Variants in MYT1L observed in about 807,000 individuals in gnomAD.
MYT1L encodes the protein myelin transcription factor 1-like protein.
Under a neutral mutation model 126.7 loss-of-function variants are expected in MYT1L, and 12 were observed. The ratio of observed to expected loss-of-function variants is 0.09; its 90% confidence interval spans 0.06 to 0.15. The LOEUF is 0.15. Among genes scored for constraint, MYT1L ranks in the 10% least tolerant of loss-of-function variants. The pLI, the probability that MYT1L is intolerant of heterozygous loss-of-function variation, is 1.00. For missense variants in MYT1L, 979 were observed against 1,585.2 expected, an observed-to-expected ratio of 0.62 and a Z score of 6.49; for synonymous variants, 541 against 604.2, an observed-to-expected ratio of 0.90 and a Z score of 1.53.
chr2:2,272,569 CA>C (rs1443522747), intron 2 of MYT1L, among the ~76,000 whole-genome samples: 1 of 152,198 alleles, frequency 6.6e-6, no homozygotes, highest in Non-Finnish European at 1.5e-5. Context: ...TGAGTTCCGA[CA>C]GGAACAAAAT....
intron 2 of MYT1L, among the ~76,000 whole-genome samples, chr2:2,201,158 G>C (rs1032549556): frequency 2.0e-5 from 3 of 152,162 alleles, no homozygotes; most frequent in Non-Finnish European, 4.4e-5. Context: ...AGACAAAAAA[G>C]TGTGTCTGTT....
intron 3 of MYT1L, among the ~76,000 whole-genome samples, chr2:2,118,336 T>C (rs967131921): frequency 7.2e-5 from 11 of 152,164 alleles, no homozygotes; most frequent in Non-Finnish European, 1.6e-4. Context: ...ATAAAACAAC[T>C]GAGATAATCC....
At position 1,889,450 on chromosome 2, in the gene MYT1L, C is replaced by G; in HGVS notation, c.2311G>C (p.Gly771Arg). 1 of 1,606,850 alleles carries G rather than the reference C, an allele frequency of 6.2e-7. No individual in the cohort carries two copies. The highest frequency in any genetic ancestry group is 8.5e-7 in the Non-Finnish European group (1 of 1,174,824). Residue 771 changes from glycine (G) to arginine (R), a missense_variant, in exon 16 of 25, where the codon GGG (glycine) becomes CGG (arginine). By Grantham distance (125) the Gly-to-Arg change is moderately radical (BLOSUM62 -2). This residue lies in a region of MYT1L where 141 missense variants were observed against 170.6 expected (regional missense o/e 0.83). Coordinates refer to ENST00000647738, the MANE Select transcript of MYT1L (RefSeq NM_001303052.2). This position sits in a 1 kb window ranked among gnomAD's most constrained non-coding sequence, Gnocchi z 4.1. ...TTGTTCATGCTGAGGTCCAGGGTCC[C>G]GTTCTCATCCACCTCCATGTCAGGG... is the stretch of plus-strand genomic sequence containing the variant. ...RNPDMEVDEN[G>R]TLDLSMNKQR... is the part of the protein sequence containing the mutation.
chr2:2,167,844 G>T (rs184813645), intron 3 of MYT1L, among the ~76,000 whole-genome samples: 113 of 152,170 alleles, frequency 7.4e-4, no homozygotes, highest in African/African-American at 2.5e-3. Flanking sequence ...TTATTAAATG[G>T]CTCAACAAGA....
chr2:2,052,671 C>T (rs2068976825), intron 4 of MYT1L, among the ~76,000 whole-genome samples: 1 of 152,150 alleles, frequency 6.6e-6, no homozygotes, highest in South Asian at 2.1e-4. Flanking sequence ...TGGAAAGATG[C>T]TTAACACCAC....
At chr2:1,821,699 T>C (rs1318116644) in intron 21 of MYT1L, among the ~76,000 whole-genome samples, 1 of 152,216 alleles carries the variant, frequency 6.6e-6, no homozygotes, top group East Asian at 1.9e-4. Context: ...GGAGGCCCTT[T>C]ATCTTGAATC....
Position 1,961,058 on chromosome 2 carries a change from G to A in MYT1L, c.153-17724C>T, listed in dbSNP as rs185044868. ...CAGTTAGCACTCAACAATTAGTATC[G>A]CGGAATACATTTTTAGCAATCTGTA... is the stretch of plus-strand genomic sequence containing the variant. On this transcript the variant is annotated intron_variant, in intron 8 of 24. Transcript: ENST00000647738. 5.1e-3 allele frequency among the ~76,000 whole-genome samples: 741 copies of A among 144,404 alleles called. 10 individuals carry two copies. Among genetic ancestry groups the A allele is most frequent in the African/African-American group, 0.017 (689 of 41,058 alleles). The allele number at this position is 144,404 out of a possible 152,430, so 94.7% of individuals were successfully genotyped here.
intron 3 of MYT1L, among the ~76,000 whole-genome samples, chr2:2,061,777 C>T (rs2150157026): frequency 6.6e-6 from 1 of 152,256 alleles, no homozygotes; most frequent in South Asian, 2.1e-4. Flanking sequence ...TGTGAGCCAT[C>T]ACAATGAACA....
chr2:2,120,968 C>T (rs2080911184), intron 3 of MYT1L, among the ~76,000 whole-genome samples: 1 of 152,108 alleles, frequency 6.6e-6, no homozygotes, highest in South Asian at 2.1e-4. Context: ...GTGTTAGACC[C>T]ACGGCCACCA....
At position 1,791,439 on chromosome 2, in the gene MYT1L, A is replaced by G. The variant is rs1572247466; in HGVS notation, c.*428T>C. The G allele has an allele frequency of 5.4e-6, 2 of 368,452 alleles. No homozygotes were observed. Among genetic ancestry groups the G allele is most frequent in the East Asian group, 1.4e-4 (2 of 13,804 alleles). The allele number at this position is 368,452 out of a possible 1,614,324, so 22.8% of individuals were successfully genotyped here. On this transcript the variant is annotated 3_prime_UTR_variant, in exon 25 of 25. Transcript: ENST00000647738. This position sits in a 1 kb window ranked among gnomAD's most constrained non-coding sequence, Gnocchi z 6.0. ...ACGTCTAAAAAGCGGCTGCTCAGCC[A>G]CAACATGATCATTCAAAGCTGTGGG...
intron 5 of MYT1L, among the ~76,000 whole-genome samples, 170 bp downstream of exon 5, chr2:1,997,021 G>T (rs564935387): frequency 6.8e-6 from 1 of 147,008 alleles, no homozygotes; most frequent in East Asian, 2.1e-4. Context: ...TTCAGTGTGG[G>T]CTGTACAGAA....
At chr2:2,136,644 T>C (rs2148094917) in intron 3 of MYT1L, among the ~76,000 whole-genome samples, 1 of 152,326 alleles carries the variant, frequency 6.6e-6, no homozygotes, top group Admixed American at 6.5e-5. Context: ...TCAATTTTAG[T>C]AAATCCATAT....
At chr2:2,017,419 C>T (rs1401059789) in intron 4 of MYT1L, among the ~76,000 whole-genome samples, 1 of 152,220 alleles carries the variant, frequency 6.6e-6, no homozygotes, top group African/African-American at 2.4e-5. Context: ...AGGAAGCTAG[C>T]TTGAGAGATG....
intron 10 of MYT1L, among the ~76,000 whole-genome samples, chr2:1,921,366 A>G (rs1408502671): frequency 6.6e-6 from 1 of 152,210 alleles, no homozygotes; most frequent in East Asian, 1.9e-4. Flanking sequence ...TTGAAAGTGG[A>G]CACCGTCTTC....
chr2:2,090,608 G>A (rs554660682), intron 3 of MYT1L, among the ~76,000 whole-genome samples: 148 of 152,194 alleles, frequency 9.7e-4, no homozygotes, highest in Non-Finnish European at 1.6e-3. Flanking sequence ...ATAAGGCAAC[G>A]ATGAAGTTTT....
intron 3 of MYT1L, among the ~76,000 whole-genome samples, chr2:2,168,540 T>G (rs2089527141): frequency 6.6e-6 from 1 of 152,156 alleles, no homozygotes; most frequent in African/African-American, 2.4e-5. Context: ...ACTCATCCAT[T>G]GCTGAGACTG....
At chr2:1,899,244 A>G (rs112240841) in intron 14 of MYT1L, among the ~76,000 whole-genome samples, 8 of 152,250 alleles carry the variant, frequency 5.3e-5, no homozygotes, top group African/African-American at 1.9e-4. Flanking sequence ...TCTGCCCTGC[A>G]CTGTGGGAGC....
chr2:1,983,626 C>T (rs987424523), intron 5 of MYT1L, among the ~76,000 whole-genome samples: 1 of 152,180 alleles, frequency 6.6e-6, no homozygotes, highest in Non-Finnish European at 1.5e-5. Flanking sequence ...CTCTCCTACC[C>T]GCCTGAAAAG....
intron 2 of MYT1L, among the ~76,000 whole-genome samples, chr2:2,211,836 A>G (rs2093528134): frequency 6.6e-6 from 1 of 151,778 alleles, no homozygotes; most frequent in African/African-American, 2.4e-5. Flanking sequence ...ACAAAAAAAA[A>G]ACTGACAATG....
Sources: allele counts gnomAD v4.1 joint callset (sites outside exome capture counted in the v4.1 genomes callset), GRCh38; gene constraint gnomAD v4.1.1; regional missense constraint gnomAD v4.1.1; non-coding constraint Gnocchi (gnomAD v3.1); transcripts MANE v1.5; gene names NCBI Gene and HGNC (gene_info 2026-07-23, HGNC 2026-07-21).